ADAM22: variants seen among roughly 807,000 people sequenced by gnomAD.
ADAM22 encodes ADAM metallopeptidase domain 22.
Under a neutral mutation model 144.6 loss-of-function variants are expected in ADAM22, and 65 were observed. That is an observed-to-expected ratio of 0.45 (90% confidence interval 0.37 to 0.55). The LOEUF (loss-of-function observed/expected upper bound fraction) is 0.55. Ranked by LOEUF, ADAM22 falls within the 20% of genes least tolerant of loss-of-function variation. The pLI is 0.00. For synonymous variants in ADAM22, 391 were observed against 412.6 expected (o/e 0.95, Z 0.63); for missense variants, 974 against 1,184.9 (o/e 0.82, Z 2.61).
chr7:88,181,420 G>A (rs1846988115), intron 27 of ADAM22, 85 bp from the exon 28 acceptor site: 3 of 1,054,304 alleles, frequency 2.8e-6, no homozygotes, highest in Non-Finnish European at 4.3e-6. Flanking sequence ...TTAATGCACA[G>A]TAATGCTTAG....
At chr7:88,091,575 G>A (rs1410398785) in intron 4 of ADAM22, among the ~76,000 whole-genome samples, 1 of 152,046 alleles carries the variant, frequency 6.6e-6, no homozygotes, top group African/African-American at 2.4e-5. Context: ...CAGTCTAAGT[G>A]TTTCACATAT....
At chr7:87,940,544 T>C (rs1411377199) in intron 2 of ADAM22, among the ~76,000 whole-genome samples, 1 of 152,246 alleles carries the variant, frequency 6.6e-6, no homozygotes. Context: ...ATTCTGTTGA[T>C]ATAAGTACAT....
chr7:88,031,048 G>T (rs576752401), intron 3 of ADAM22, among the ~76,000 whole-genome samples: 1 of 152,144 alleles, frequency 6.6e-6, no homozygotes, highest in African/African-American at 2.4e-5. Flanking sequence ...CCTGGGAGGC[G>T]GAGCTTGCAG....
chr7:88,110,191 T>C (rs1187705757), intron 5 of ADAM22, among the ~76,000 whole-genome samples: 1 of 152,222 alleles, frequency 6.6e-6, no homozygotes, highest in Non-Finnish European at 1.5e-5. Flanking sequence ...GTCTCTGTTT[T>C]CTTATTAGGA....
intron 2 of ADAM22, among the ~76,000 whole-genome samples, chr7:87,950,323 G>A (rs1327968611): frequency 8.0e-6 from 1 of 124,374 alleles, no homozygotes; most frequent in African/African-American, 3.2e-5. Context: ...AGAGTGTGAT[G>A]TTCCCCTTCC....
At chr7:88,122,309 T>A (rs1203125721) in intron 7 of ADAM22, among the ~76,000 whole-genome samples, 1 of 152,160 alleles carries the variant, frequency 6.6e-6, no homozygotes, top group Non-Finnish European at 1.5e-5. Flanking sequence ...AGTTACAATC[T>A]TGTATGATGT....
In ADAM22 at chr7:88,165,879, T is replaced by A; in HGVS notation, c.2124T>A (p.Gly708=). The A allele has an allele frequency of 6.2e-7, 1 of 1,612,132 alleles. No individual in the cohort carries two copies. Among genetic ancestry groups the A allele is most frequent in the Non-Finnish European group, 8.5e-7 (1 of 1,179,004 alleles). The change falls in exon 24 of 32, where the codon GGT becomes GGA. Residue 708 remains glycine (G), a synonymous_variant. Coordinates refer to ENST00000413139, the MANE Select transcript of ADAM22 (RefSeq NM_001324418.2). ...GTGTGTGTAACAGACACTGGATAGG[T>A]TCTGATTGCAACACTTACTTCCCTC... The part of the protein sequence containing the change: ...LKCVCNRHWI[G]SDCNTYFPHN...
At chr7:88,079,371 G>T (rs983426363) in intron 4 of ADAM22, among the ~76,000 whole-genome samples, 1 of 152,088 alleles carries the variant, frequency 6.6e-6, no homozygotes, top group Non-Finnish European at 1.5e-5. Context: ...AGGAACAACC[G>T]GTACCAGCCG....
At chr7:88,081,225 A>G (rs984904064) in intron 4 of ADAM22, among the ~76,000 whole-genome samples, 4 of 152,204 alleles carry the variant, frequency 2.6e-5, no homozygotes, top group Non-Finnish European at 4.4e-5. Context: ...TATAGACAGA[A>G]CCAAAGACAA....
rs953045100 is a variant in ADAM22 at position 88,051,707 on chromosome 7, TA to T, written c.324-23908del. 3.9e-3 allele frequency among the ~76,000 whole-genome samples: 571 copies of T among 144,662 alleles called. 3 individuals carry two copies. The highest frequency in any genetic ancestry group is 0.011 in the African/African-American group (444 of 39,568). The allele number at this position is 144,662 out of a possible 152,430, so 94.9% of individuals were successfully genotyped here. On this transcript the variant is annotated intron_variant, in intron 3 of 31. Transcript: ENST00000413139. The stretch of plus-strand genomic sequence containing the variant: ...CCAGAACTTAAAGTATAATAATAAA[TA>T]AAAAAAAAAAGAATGTGGTTTTTCA...
At chr7:88,062,409 AT>A (rs1464668232) in intron 3 of ADAM22, among the ~76,000 whole-genome samples, 1 of 152,110 alleles carries the variant, frequency 6.6e-6, no homozygotes, top group Non-Finnish European at 1.5e-5. Flanking sequence ...AGCTTCAAAC[AT>A]TTCTTCTGCA....
rs562042150 is a variant in ADAM22 at position 88,067,130 on chromosome 7, T to C, written c.324-8496T>C. ...TAAAAAACTACAAAACATTAGTCCTTTACTTGACTGTAATGGGGAGGAACA... is the reference window on the plus strand; with the variant it reads ...TAAAAAACTACAAAACATTAGTCCTCTACTTGACTGTAATGGGGAGGAACA... On this transcript the variant is annotated intron_variant, in intron 3 of 31. Coordinates refer to ENST00000413139, the MANE Select transcript of ADAM22 (RefSeq NM_001324418.2). Among the ~76,000 whole-genome samples, 6 of 152,260 alleles carry C rather than the reference T, an allele frequency of 3.9e-5. No homozygotes were observed. In the South Asian group the frequency reaches 1.2e-3, roughly 32 times the overall value.
At position 88,131,405 on chromosome 7, in the gene ADAM22, A is replaced by T; in HGVS notation, c.962A>T (p.Lys321Ile). The change falls in exon 11 of 32, where the codon AAA (lysine) becomes ATA (isoleucine). Residue 321 changes from lysine (K) to isoleucine (I), a missense_variant. Around this residue, in one of 2 missense-constraint regions of ADAM22, gnomAD observed 734 missense variants for 950.6 expected, o/e 0.77. Coordinates refer to ENST00000413139, the MANE Select transcript of ADAM22 (RefSeq NM_001324418.2). ...ATGAAATACAGGAGGGATTTTATCA[A>T]AGAGAAAAGTGATGCAGTTCACCTT... is the stretch of plus-strand genomic sequence containing the variant. ...EFMKYRRDFI[K>I]EKSDAVHLFS... 1.2e-6 allele frequency: 2 copies of T among 1,613,848 alleles called. No individual in the cohort carries two copies. The highest frequency in any genetic ancestry group is 1.7e-6 in the Non-Finnish European group (2 of 1,179,826).
At chr7:88,013,060 C>T (rs1024839698) in intron 3 of ADAM22, among the ~76,000 whole-genome samples, 1 of 152,200 alleles carries the variant, frequency 6.6e-6, no homozygotes, top group Non-Finnish European at 1.5e-5. Context: ...AGTATGGGAA[C>T]GCCCCCTAAG....
chr7:88,040,869 A>G (rs1802960308), intron 3 of ADAM22, among the ~76,000 whole-genome samples: 1 of 152,004 alleles, frequency 6.6e-6, no homozygotes, highest in Non-Finnish European at 1.5e-5. Context: ...AGAATTCAGC[A>G]TTCCTTGTGG....
At chr7:87,970,982 C>T (rs541902307) in intron 2 of ADAM22, among the ~76,000 whole-genome samples, 14 of 152,164 alleles carry the variant, frequency 9.2e-5, no homozygotes, top group Middle Eastern at 6.3e-3. Flanking sequence ...AGCCTCACTG[C>T]TTGCCTCAAT....
In ADAM22 at chr7:88,112,381, G is replaced by A. The variant is rs2129488502; in HGVS notation, c.474-2203G>A. On this transcript the variant is annotated intron_variant, in intron 5 of 31. Transcript: ENST00000413139. ...GGAGGCCATTATAATTATAGCTCAT[G>A]GAATTTCACCAATTTCACTAAATCT... Among the ~76,000 whole-genome samples the A allele has an allele frequency of 2.0e-5, 3 of 152,274 alleles. No individual in the cohort carries two copies. The South Asian group carries it at 6.2e-4, about 32-fold the overall frequency.
Position 88,196,664 on chromosome 7 carries a change from T to A in ADAM22, c.*173T>A, listed in dbSNP as rs1324758130. The A allele has an allele frequency of 1.5e-6, 1 of 668,104 alleles. No individual in the cohort carries two copies. The highest frequency in any genetic ancestry group is 2.6e-6 in the Non-Finnish European group (1 of 387,080). 41.4% of individuals were successfully genotyped at this position (668,104 alleles called of 1,614,324 possible). On this transcript the variant is annotated 3_prime_UTR_variant, in exon 32 of 32. Transcript: ENST00000413139. Reference sequence around the variant, plus strand: ...ACATCTGGTTACCATTTTCTTTTTGTCATTGGCTTAGGATTTAACTAACCA... The same window carrying A: ...ACATCTGGTTACCATTTTCTTTTTGACATTGGCTTAGGATTTAACTAACCA...
At chr7:88,016,950 G>A (rs572032970) in intron 3 of ADAM22, among the ~76,000 whole-genome samples, 1 of 151,938 alleles carries the variant, frequency 6.6e-6, no homozygotes, top group Non-Finnish European at 1.5e-5. Context: ...AGACCTTGTC[G>A]CTACAGAAAA....
Sources: gnomAD v4.1 joint callset for allele counts (sites outside exome capture counted in the v4.1 genomes callset) on GRCh38, gnomAD v4.1.1 for gene constraint, gnomAD v4.1.1 regional missense constraint, MANE v1.5 for transcripts, NCBI Gene and HGNC (gene_info 2026-07-23, HGNC 2026-07-21) for gene names.